Variants in TRAF1 observed in about 807,000 individuals in gnomAD.
The protein encoded by TRAF1 is TNF receptor associated factor 1.
Under a neutral mutation model 40.9 loss-of-function variants are expected in TRAF1, and 23 were observed. That is an observed-to-expected ratio of 0.56 (90% confidence interval 0.40 to 0.80). The LOEUF is 0.80. Ranked by LOEUF, TRAF1 falls within the 30% of genes least tolerant of loss-of-function variation. The pLI is 0.00. For missense variants in TRAF1, 477 were observed against 528.7 expected, an observed-to-expected ratio of 0.90 and a Z score of 0.96; for synonymous variants, 206 against 218.8, an observed-to-expected ratio of 0.94 and a Z score of 0.52.
Position 120,904,424 on chromosome 9 carries a change from T to C in TRAF1, c.*596A>G, listed in dbSNP as rs1330480113. On this transcript the variant is annotated 3_prime_UTR_variant, in exon 8 of 8. Transcript: ENST00000373887. ...CTCACCTGGGCCAGGAGGCCTAGAA[T>C]GAGAGACTTTCTGGGCTGGAAGGAA... The C allele has an allele frequency of 1.3e-5, 2 of 154,376 alleles. No homozygotes were observed. The highest frequency in any genetic ancestry group is 4.8e-5 in the African/African-American group (2 of 41,564). 9.6% of individuals were successfully genotyped at this position (154,376 alleles called of 1,614,324 possible). A position where few individuals can be genotyped will look rare whatever the true frequency, so the allele number is the denominator to read the frequency against.
chr9:120,921,634 T>A (rs2046606169), intron 3 of TRAF1, among the ~76,000 whole-genome samples: 1 of 151,706 alleles, frequency 6.6e-6, no homozygotes, highest in South Asian at 2.1e-4. Context: ...AGGGAGTTAC[T>A]CCACGGAGCA....
chr9:120,923,884 C>CTGAT, intron 2 of TRAF1, 92 bp from the exon 3 acceptor site: 2 of 1,163,932 alleles, frequency 1.7e-6, no homozygotes, highest in Non-Finnish European at 2.6e-6. Context: ...CAACTATCAG[C>CTGAT]AGGGTGGTGA....
chr9:120,918,244 G>A (rs2131629873), intron 3 of TRAF1, among the ~76,000 whole-genome samples: 1 of 152,244 alleles, frequency 6.6e-6, no homozygotes, highest in African/African-American at 2.4e-5. Flanking sequence ...ATACTCACAG[G>A]TCCTGGGGAT....
In TRAF1 at chr9:120,914,287, A is replaced by G. The variant is rs768763188; in HGVS notation, c.242T>C (p.Val81Ala). 5.6e-5 allele frequency: 85 copies of G among 1,530,846 alleles called. No homozygotes were observed. The highest frequency in any genetic ancestry group is 1.8e-4 in the Middle Eastern group (1 of 5,664). 94.8% of individuals were successfully genotyped at this position (1,530,846 alleles called of 1,614,324 possible). A position where few individuals can be genotyped will look rare whatever the true frequency, so the allele number is the denominator to read the frequency against. Residue 81 changes from valine (V) to alanine (A), a missense_variant, in exon 4 of 8, where the codon GTG becomes GCG. By Grantham distance (64) the Val-to-Ala change is moderately conservative (BLOSUM62 0). Transcript: ENST00000373887. ...GGGGCACCCAATTCCAGCCTCAGCCACCTCGGGGTGAGCCTGGAAATAATA... is the reference window on the plus strand; with the variant it reads ...GGGGCACCCAATTCCAGCCTCAGCCGCCTCGGGGTGAGCCTGGAAATAATA... ...LRTQEKAHPE[V>A]AEAGIGCPFA...
Position 120,923,879 on chromosome 9 carries a change from A to G in TRAF1, c.141-87T>C, listed in dbSNP as rs550559960. On this transcript the variant is annotated intron_variant, in intron 2 of 7. Coordinates refer to ENST00000373887, the MANE Select transcript of TRAF1 (RefSeq NM_005658.5). ...CCTGACAGCTCCAGAAGCCTCAACT[A>G]TCAGCAGGGTGGTGATCATGTACGT... is the stretch of plus-strand genomic sequence containing the variant. 36 of 1,209,242 alleles carry G rather than the reference A, an allele frequency of 3.0e-5. No homozygotes were observed. The African/African-American group carries it at 4.5e-4, about 15-fold the overall frequency. 74.9% of individuals were successfully genotyped at this position (1,209,242 alleles called of 1,614,324 possible). A position where few individuals can be genotyped will look rare whatever the true frequency, so the allele number is the denominator to read the frequency against.
At chr9:120,916,207 A>C (rs2046568391) in intron 3 of TRAF1, among the ~76,000 whole-genome samples, 1 of 152,238 alleles carries the variant, frequency 6.6e-6, no homozygotes, top group South Asian at 2.1e-4. Context: ...AAGACTACAT[A>C]CTACCTGTTT....
At chr9:120,910,655 C>T (rs1026483365) in intron 6 of TRAF1, among the ~76,000 whole-genome samples, 1 of 152,290 alleles carries the variant, frequency 6.6e-6, no homozygotes, top group Middle Eastern at 3.4e-3. Context: ...CCTCAGCCTC[C>T]CAAAGTGTTA....
intron 3 of TRAF1, among the ~76,000 whole-genome samples, chr9:120,917,935 A>G (rs572671910): frequency 1.3e-3 from 192 of 152,316 alleles, no homozygotes; most frequent in African/African-American, 4.4e-3. Context: ...ATATGGAGAC[A>G]GGGCCTTTAA....
chr9:120,919,534 C>T (rs1266587730), intron 3 of TRAF1, among the ~76,000 whole-genome samples: 1 of 152,210 alleles, frequency 6.6e-6, no homozygotes, highest in African/African-American at 2.4e-5. Flanking sequence ...CTGCCTACCC[C>T]CACACTGGGC....
rs138455821 is a variant in TRAF1, at chr9:120,916,014, G to A, written c.229-1714C>T. On this transcript the variant is annotated intron_variant, in intron 3 of 7. Coordinates refer to ENST00000373887, the MANE Select transcript of TRAF1 (RefSeq NM_005658.5). ...GTAAAACATATGTCTGCACAAAGGT[G>A]TGTATGTGAATGTTCATGGCGGCTT... Among the ~76,000 whole-genome samples the A allele has an allele frequency of 1.0e-3, 154 of 152,342 alleles. 1 individual carries two copies. Among genetic ancestry groups the A allele is most frequent in the African/African-American group, 3.4e-3 (140 of 41,572 alleles).
At position 120,917,308 on chromosome 9, in the gene TRAF1, T is replaced by C. The variant is rs183767041; in HGVS notation, c.229-3008A>G. 1.1e-4 allele frequency among the ~76,000 whole-genome samples: 17 copies of C among 152,298 alleles called. No individual in the cohort carries two copies. In the East Asian group the frequency reaches 3.3e-3, roughly 29 times the overall value. Reference sequence around the variant, plus strand: ...TTAGAGTGCACGGGAGTTCAGGATGTGGCCTCTGGAGCCAGCCTTTTGGGG... The same window carrying C: ...TTAGAGTGCACGGGAGTTCAGGATGCGGCCTCTGGAGCCAGCCTTTTGGGG... On this transcript the variant is annotated intron_variant, in intron 3 of 7. Transcript: ENST00000373887.
rs1397649997 is a variant in TRAF1, at chr9:120,903,046, G to T, written c.*1974C>A. The T allele has an allele frequency of 6.6e-6, 1 of 152,238 alleles. No individual in the cohort carries two copies. Among genetic ancestry groups the T allele is most frequent in the Non-Finnish European group, 1.5e-5 (1 of 68,052 alleles). 9.4% of individuals were successfully genotyped at this position (152,238 alleles called of 1,614,324 possible). A position where few individuals can be genotyped will look rare whatever the true frequency, so the allele number is the denominator to read the frequency against. On this transcript the variant is annotated 3_prime_UTR_variant, in exon 8 of 8. Transcript: ENST00000373887. ...AATCCCCCCTTGGGCTCAACACTCG[G>T]TGAGTAGGGATCAAGAGGTTATTGC...
chr9:120,928,048 A>T (rs1214487532), upstream of TRAF1: 3 of 152,212 alleles, frequency 2.0e-5, no homozygotes, highest in Non-Finnish European at 4.4e-5. Flanking sequence ...GAAAAATAGT[A>T]CTACTTTTGG....
In TRAF1 at chr9:120,909,350, C is replaced by G; in HGVS notation, c.912G>C (p.Lys304Asn). The G allele has an allele frequency of 1.2e-6, 2 of 1,614,150 alleles. No individual in the cohort carries two copies. Among genetic ancestry groups the G allele is most frequent in the Non-Finnish European group, 1.7e-6 (2 of 1,180,034 alleles). Reference sequence around the variant, plus strand: ...CATTCAGGTACAGCCGCAGGCACAACTTGTAGCCATACTTGGCAGTGTAGA... The same window carrying G: ...CATTCAGGTACAGCCGCAGGCACAAGTTGTAGCCATACTTGGCAGTGTAGA... ...PAFYTAKYGY[K>N]LCLRLYLNGD... The change falls in exon 7 of 8, where the codon AAG (lysine) becomes AAC (asparagine). Residue 304 changes from lysine to asparagine, a missense_variant. By Grantham distance (94) the Lys-to-Asn change is moderately conservative. Transcript: ENST00000373887.
chr9:120,913,671 C>T lies in TRAF1; in HGVS notation c.362G>A (p.Gly121Glu), dbSNP rs1205434387. The T allele has an allele frequency of 3.1e-6, 5 of 1,612,608 alleles. No homozygotes were observed. The South Asian group carries it at 5.5e-5, about 18-fold the overall frequency. Residue 121 changes from glycine to glutamate, a missense_variant, in exon 5 of 8, where the codon GGG becomes GAG. Coordinates refer to ENST00000373887, the MANE Select transcript of TRAF1 (RefSeq NM_005658.5). ...CCGGGCCTTCCACTGTTTCATGAAC[C>T]CCAACAGCAGGTTTAGGTGGGAGGT... ...SQTSHLNLLL[G>E]FMKQWKARLG...
intron 2 of TRAF1, 85 bp from the exon 3 acceptor site, chr9:120,923,877 C>T (rs1159139176): frequency 8.9e-6 from 11 of 1,232,584 alleles, no homozygotes; most frequent in African/African-American, 3.0e-5. Flanking sequence ...GAAGCCTCAA[C>T]TATCAGCAGG....
At chr9:120,905,704 G>A (rs2046475678) in intron 7 of TRAF1, among the ~76,000 whole-genome samples, 1 of 152,188 alleles carries the variant, frequency 6.6e-6, no homozygotes, top group Non-Finnish European at 1.5e-5. Flanking sequence ...TTCTACTGAG[G>A]GGCTGTCATC....
Position 120,913,565 on chromosome 9 carries a change from C to T in TRAF1, c.468G>A (p.Val156=), listed in dbSNP as rs751633007. Residue 156 remains valine, a synonymous_variant, in exon 5 of 8, where the codon GTG becomes GTA. Transcript: ENST00000373887. ...SDLQLQAAVE[V]AGDLEVDCYR... ...AGCAATCGACCTCCAGGTCCCCCGC[C>T]ACTTCCACGGCTGCCTGCAGCTGCA... 3 of 1,613,884 alleles carry T rather than the reference C, an allele frequency of 1.9e-6. No homozygotes were observed. The African/African-American group carries it at 4.0e-5, about 22-fold the overall frequency.
At position 120,913,591 on chromosome 9, in the gene TRAF1, G is replaced by C. The variant is rs1264529235; in HGVS notation, c.442C>G (p.Leu148Val). The C allele has an allele frequency of 6.2e-7, 1 of 1,614,004 alleles. No homozygotes were observed. The highest frequency in any genetic ancestry group is 1.3e-5 in the African/African-American group (1 of 75,056). ...PMALEQNLSD[L>V]QLQAAVEVAG... ...ACTTCCACGGCTGCCTGCAGCTGCAGGTCTGACAGGTTCTGCTCCAGGGCC... is the reference window on the plus strand; with the variant it reads ...ACTTCCACGGCTGCCTGCAGCTGCACGTCTGACAGGTTCTGCTCCAGGGCC... Residue 148 changes from leucine (L) to valine (V), a missense_variant, in exon 5 of 8, where the codon CTG (leucine) becomes GTG (valine). Leu to Val is a conservative substitution (Grantham distance 32). Transcript: ENST00000373887.
Sources: allele counts gnomAD v4.1 joint callset (sites outside exome capture counted in the v4.1 genomes callset), GRCh38; gene constraint gnomAD v4.1.1; transcripts MANE v1.5; gene names NCBI Gene and HGNC (gene_info 2026-07-23, HGNC 2026-07-21).